Variants in CHD1 observed in about 807,000 individuals in gnomAD.
CHD1 encodes the protein ATP-dependent chromatin remodeler CHD1.
In CHD1, 36 loss-of-function variants were observed where a neutral mutation model predicts 224.2. The ratio of observed to expected loss-of-function variants is 0.16; its 90% CI spans 0.12 to 0.21. The LOEUF (loss-of-function observed/expected upper bound fraction) is 0.21, where lower values mean the gene tolerates loss of function less well. Ranked by LOEUF, CHD1 falls within the 10% of genes least tolerant of loss-of-function variation. The probability of loss-of-function intolerance (pLI) is 1.00; values close to 1 mark genes in which losing one functional copy is unlikely to be tolerated. For synonymous variants in CHD1, 668 were observed against 658.3 expected (o/e 1.01, Z -0.23); for missense variants, 1,378 against 1,994.8 (o/e 0.69, Z 5.89).
At chr5:98,863,366 T>C (rs1451828573) in intron 32 of CHD1, 42 bp downstream of exon 32, 2 of 1,163,100 alleles carry the variant, frequency 1.7e-6, no homozygotes, top group African/African-American at 1.6e-5. Flanking sequence ...AAGACAGTTA[T>C]ATAATATAAA....
intron 2 of CHD1, among the ~76,000 whole-genome samples, chr5:98,922,997 GAAAA>G (rs1042581033): frequency 8.5e-6 from 1 of 118,220 alleles, no homozygotes; most frequent in Non-Finnish European, 1.7e-5. Flanking sequence ...TCAAAAAAAA[GAAAA>G]AAAATTACTC....
In CHD1 at chr5:98,855,363, C is replaced by T. The variant is rs529310149; in HGVS notation, c.*1017G>A. The T allele has an allele frequency of 2.0e-5, 3 of 152,570 alleles. No homozygotes were observed. Among genetic ancestry groups the T allele is most frequent in the South Asian group, 2.1e-4 (1 of 4,826 alleles). 9.5% of individuals were successfully genotyped at this position (152,570 alleles called of 1,614,324 possible). Reference sequence around the variant, plus strand: ...TGCCCACATAAAACGGGAAAACAAACGGATTTACAATAACTTTTGGCCGTT... The same window carrying T: ...TGCCCACATAAAACGGGAAAACAAATGGATTTACAATAACTTTTGGCCGTT... On this transcript the variant is annotated 3_prime_UTR_variant, in exon 36 of 36. Transcript: ENST00000614616.
At position 98,872,544 on chromosome 5, in the gene CHD1, C is replaced by T. The variant is rs1749428405; in HGVS notation, c.3583G>A (p.Gly1195Arg). Reference sequence around the variant, plus strand: ...CGGAATGTTGGACCCTTCACTTTTCCGAGTCTACCACCTTGATTTTTTTTA... The same window carrying T: ...CGGAATGTTGGACCCTTCACTTTTCTGAGTCTACCACCTTGATTTTTTTTA... ...SGTERTGGRL[G>R]KVKGPTFRIS... Residue 1195 changes from glycine (G) to arginine (R), a missense_variant, in exon 27 of 36, where the codon GGA (glycine) becomes AGA (arginine). Coordinates refer to ENST00000614616, the MANE Select transcript of CHD1 (RefSeq NM_001270.4). 5.0e-6 allele frequency: 8 copies of T among 1,612,614 alleles called. No homozygotes were observed. The highest frequency in any genetic ancestry group is 1.3e-5 in the African/African-American group (1 of 74,782).
chr5:98,870,628 A>C, intron 29 of CHD1, 59 bp downstream of exon 29: 1 of 934,436 alleles, frequency 1.1e-6, no homozygotes, highest in Admixed American at 2.4e-5. Context: ...ATGGTGAAGT[A>C]AACAAAATTT....
In CHD1 at chr5:98,856,032, T is replaced by C. The variant is rs2455425; in HGVS notation, c.*348A>G. 0.064 allele frequency: 10,805 copies of C among 169,284 alleles called. 454 individuals are homozygous for C. Among genetic ancestry groups the C allele is most frequent in the Non-Finnish European group, 0.091 (6,981 of 76,606 alleles). 10.5% of individuals were successfully genotyped at this position (169,284 alleles called of 1,614,324 possible). On this transcript the variant is annotated 3_prime_UTR_variant, in exon 36 of 36. Coordinates refer to ENST00000614616, the MANE Select transcript of CHD1 (RefSeq NM_001270.4). ...TCAGAGTAAAGTTCATATATAAACA[T>C]AATTTAAATGGAGGTCAGTCTAAAA... is the stretch of plus-strand genomic sequence containing the variant.
chr5:98,880,367 CA>C (rs1162836584), intron 22 of CHD1, among the ~76,000 whole-genome samples: 1 of 152,192 alleles, frequency 6.6e-6, no homozygotes, highest in South Asian at 2.1e-4. Context: ...TCACTACAGT[CA>C]ATCAACCACA....
Position 98,872,017 on chromosome 5 carries a change from T to C in CHD1, c.3861+34A>G, listed in dbSNP as rs142584573. The C allele has an allele frequency of 9.0e-5, 137 of 1,527,606 alleles. No homozygotes were observed. In the African/African-American group the frequency reaches 1.3e-3, roughly 14 times the overall value. 94.6% of individuals were successfully genotyped at this position (1,527,606 alleles called of 1,614,324 possible). A position where few individuals can be genotyped will look rare whatever the true frequency, so the allele number is the denominator to read the frequency against. Reference sequence around the variant, plus strand: ...GAATTAGAATAAATTAAATTCAACATGAATGGTTAACAGAATCAGAAATAG... The same window carrying C: ...GAATTAGAATAAATTAAATTCAACACGAATGGTTAACAGAATCAGAAATAG... On this transcript the variant is annotated intron_variant, in intron 28 of 35. Transcript: ENST00000614616.
chr5:98,859,154 T>TC, intron 33 of CHD1, 139 bp from the exon 34 acceptor site: 1 of 551,596 alleles, frequency 1.8e-6, no homozygotes, highest in Admixed American at 3.8e-5. Flanking sequence ...TATATACATG[T>TC]ATGACATTTA....
chr5:98,857,558 T>A (rs902247805), intron 35 of CHD1, among the ~76,000 whole-genome samples: 1 of 152,088 alleles, frequency 6.6e-6, no homozygotes, highest in Non-Finnish European at 1.5e-5. Context: ...ATAAATACTA[T>A]AAATCTCAGT....
intron 2 of CHD1, among the ~76,000 whole-genome samples, chr5:98,907,446 G>T (rs1752115049): frequency 1.3e-5 from 2 of 151,940 alleles, no homozygotes; most frequent in African/African-American, 4.8e-5. Flanking sequence ...AAACTGGCTG[G>T]GCATGGTGGC....
At chr5:98,865,616 TG>T (rs1387331066) in intron 31 of CHD1, among the ~76,000 whole-genome samples, 2 of 152,214 alleles carry the variant, frequency 1.3e-5, no homozygotes, top group Non-Finnish European at 2.9e-5. Flanking sequence ...TAAATTATAC[TG>T]TCATTTAGGA....
At chr5:98,901,873 G>C (rs1751737705) in intron 5 of CHD1, among the ~76,000 whole-genome samples, 1 of 151,926 alleles carries the variant, frequency 6.6e-6, no homozygotes, top group Admixed American at 6.6e-5. Flanking sequence ...GAAAAATAAT[G>C]GATGTTAATA....
intron 2 of CHD1, among the ~76,000 whole-genome samples, chr5:98,921,323 T>G (rs1306414573): frequency 6.6e-6 from 1 of 152,202 alleles, no homozygotes; most frequent in Non-Finnish European, 1.5e-5. Flanking sequence ...TCGCAGAGAA[T>G]GAAAACCATG....
chr5:98,919,512 C>G (rs867729414), intron 2 of CHD1, among the ~76,000 whole-genome samples: 1 of 151,976 alleles, frequency 6.6e-6, no homozygotes, highest in Non-Finnish European at 1.5e-5. Context: ...ATTTTAGTTG[C>G]GAAATTAGTT....
At chr5:98,885,800 G>A (rs1222515566) in intron 17 of CHD1, 151 bp from the exon 18 acceptor site, 4 of 576,452 alleles carry the variant, frequency 6.9e-6, no homozygotes, top group Admixed American at 3.2e-5. Flanking sequence ...ATAATGCTCA[G>A]GCATTCTGTC....
intron 32 of CHD1, among the ~76,000 whole-genome samples, 170 bp downstream of exon 32, chr5:98,863,233 CTCATA>C (rs899509950): frequency 5.3e-5 from 8 of 151,370 alleles, no homozygotes; most frequent in African/African-American, 1.9e-4. Context: ...TAAGTAACCA[CTCATA>C]AATAAAAAAA....
intron 27 of CHD1, 76 bp from the exon 28 acceptor site, chr5:98,872,277 CATT>C: frequency 6.7e-7 from 1 of 1,493,120 alleles, no homozygotes; most frequent in Non-Finnish European, 9.1e-7. Flanking sequence ...AAACGTGAGT[CATT>C]AGAACTTCAA....
chr5:98,878,485 T>A (rs1218979311), intron 23 of CHD1, among the ~76,000 whole-genome samples: 1 of 152,224 alleles, frequency 6.6e-6, no homozygotes, highest in Non-Finnish European at 1.5e-5. Flanking sequence ...CAAAAAATCT[T>A]ATATCCTAAA....
intron 2 of CHD1, among the ~76,000 whole-genome samples, chr5:98,925,675 T>C (rs1261744887): frequency 6.6e-6 from 1 of 152,056 alleles, no homozygotes; most frequent in Non-Finnish European, 1.5e-5. Flanking sequence ...GCAAGAACTC[T>C]TAACTCCTTC....
Sources: gnomAD v4.1 joint callset for allele counts (sites outside exome capture counted in the v4.1 genomes callset) on GRCh38, gnomAD v4.1.1 for gene constraint, MANE v1.5 for transcripts, NCBI Gene and HGNC (gene_info 2026-07-23, HGNC 2026-07-21) for gene names.